The following VWA3A variants were observed in gnomAD, a reference collection of about 807,000 sequenced individuals.
The protein encoded by VWA3A is von Willebrand factor A domain-containing protein 3A.
In VWA3A, 134 loss-of-function variants were observed where a neutral mutation model predicts 160.4. The ratio of observed to expected loss-of-function variants is 0.84; its 90% CI spans 0.73 to 0.96. VWA3A has a LOEUF of 0.96. Ranked by LOEUF, VWA3A falls within the 40% of genes least tolerant of loss-of-function variation. VWA3A has a pLI of 0.00. For synonymous variants in VWA3A, 476 were observed against 543.4 expected, an observed-to-expected ratio of 0.88 and a Z score of 1.72; for missense variants, 1,310 against 1,447.9, an observed-to-expected ratio of 0.90 and a Z score of 1.55.
At chr16:22,106,062 G>C (rs1375902811) in intron 6 of VWA3A, among the ~76,000 whole-genome samples, 6 of 152,172 alleles carry the variant, frequency 3.9e-5, no homozygotes, top group Admixed American at 3.9e-4. Flanking sequence ...CTGAGTAAGG[G>C]AACAGAGGGT....
chr16:22,097,338 T>A (rs1474499501), intron 2 of VWA3A, among the ~76,000 whole-genome samples: 2 of 151,344 alleles, frequency 1.3e-5, no homozygotes, highest in Non-Finnish European at 2.9e-5. Flanking sequence ...ACTGGGTAAA[T>A]GGTCATTGAA....
At chr16:22,132,043 C>A (rs1450533956) in intron 19 of VWA3A, among the ~76,000 whole-genome samples, 1 of 151,876 alleles carries the variant, frequency 6.6e-6, no homozygotes, top group East Asian at 1.9e-4. Flanking sequence ...CCAGCCTGGA[C>A]AACATAGCAA....
At chr16:22,138,291 C>CTGTG (rs35642540) in intron 21 of VWA3A, 69 bp from the exon 22 acceptor site, 45,523 of 1,354,002 alleles carry the variant, frequency 0.034, 296 homozygotes, top group South Asian at 0.12. Context: ...GTCCCTCCTG[C>CTGTG]TGTGTGTGTG....
In VWA3A at chr16:22,100,443, AAT is replaced by A. The variant is rs534641937; in HGVS notation, c.381_382del (p.Ile127MetfsTer11). 10 of 1,551,442 alleles carry A rather than the reference AAT, an allele frequency of 6.4e-6. No individual in the cohort carries two copies. Among genetic ancestry groups the A allele is most frequent in the Non-Finnish European group, 8.7e-6 (10 of 1,146,998 alleles). On this transcript the variant is annotated frameshift_variant, in exon 5 of 34. Coordinates refer to ENST00000389398, the MANE Select transcript of VWA3A (RefSeq NM_173615.5). LOFTEE classifies it high-confidence loss of function. ...AGGAGGGCACCAATGTCGTGCAGAA[AAT>A]ATGTTTCTCCACCCAGATCATCCGC... ...LEEGTNVVQK[I>X]CFSTQIIRHF...
intron 22 of VWA3A, among the ~76,000 whole-genome samples, chr16:22,139,053 T>G (rs2046096623): frequency 6.6e-6 from 1 of 152,090 alleles, no homozygotes; most frequent in Non-Finnish European, 1.5e-5. Flanking sequence ...GTGAGCAGAC[T>G]GGGAGGGACA....
At chr16:22,103,131 T>C (rs2045431327) in intron 5 of VWA3A, among the ~76,000 whole-genome samples, 1 of 152,218 alleles carries the variant, frequency 6.6e-6, no homozygotes, top group African/African-American at 2.4e-5. Context: ...ACTCCTGGGC[T>C]CAAGTGATCC....
intron 6 of VWA3A, 70 bp from the exon 7 acceptor site, chr16:22,109,412 A>G: frequency 7.7e-7 from 1 of 1,294,680 alleles, no homozygotes; most frequent in Non-Finnish European, 1.1e-6. Context: ...ACTGCGTGGC[A>G]CAGAGCAGCT....
intron 7 of VWA3A, among the ~76,000 whole-genome samples, chr16:22,110,664 T>G (rs2045540008): frequency 6.6e-6 from 1 of 152,144 alleles, no homozygotes; most frequent in Non-Finnish European, 1.5e-5. Flanking sequence ...GGTCCAGCAA[T>G]AGCACATTCT....
intron 31 of VWA3A, among the ~76,000 whole-genome samples, chr16:22,153,026 T>C (rs1458281727): frequency 6.6e-6 from 1 of 152,048 alleles, no homozygotes; most frequent in Non-Finnish European, 1.5e-5. Context: ...ATTTAACAGG[T>C]GAACGAGAGG....
At chr16:22,097,477 T>C in intron 2 of VWA3A, 95 bp from the exon 3 acceptor site, 1 of 1,465,094 alleles carries the variant, frequency 6.8e-7, no homozygotes. Flanking sequence ...GTTTCTAGAA[T>C]CCTTGTAGGG....
At chr16:22,138,590 G>T in intron 22 of VWA3A, 78 bp downstream of exon 22, 1 of 1,567,722 alleles carries the variant, frequency 6.4e-7, no homozygotes, top group Non-Finnish European at 8.6e-7. Flanking sequence ...TCTTAAAATG[G>T]CTGGGGCCAG....
At chr16:22,152,935 A>G (rs2046375732) in intron 31 of VWA3A, among the ~76,000 whole-genome samples, 1 of 152,198 alleles carries the variant, frequency 6.6e-6, no homozygotes, top group African/African-American at 2.4e-5. Flanking sequence ...AGGGTGTTAT[A>G]TTTCCTGATG....
At chr16:22,121,644 G>C (rs750687311) in intron 14 of VWA3A, 27 bp downstream of exon 14, 1 of 1,557,268 alleles carries the variant, frequency 6.4e-7, no homozygotes, top group African/African-American at 1.4e-5. Context: ...ATTCTCTCCA[G>C]TCCTCCACAG....
At chr16:22,095,281 A>G (rs766759634) in intron 1 of VWA3A, among the ~76,000 whole-genome samples, 8 of 152,168 alleles carry the variant, frequency 5.3e-5, no homozygotes, top group Admixed American at 3.3e-4. Context: ...AGGGGAGAAG[A>G]AGAACGTTCC....
chr16:22,151,240 A>G (rs1055887959), intron 30 of VWA3A, among the ~76,000 whole-genome samples: 1 of 151,772 alleles, frequency 6.6e-6, no homozygotes, highest in African/African-American at 2.4e-5. Context: ...AGGTTGCACC[A>G]TGGCACTCTA....
chr16:22,109,355 G>T lies in VWA3A; in HGVS notation c.484-127G>T, dbSNP rs539909858. On this transcript the variant is annotated intron_variant, in intron 6 of 33. Transcript: ENST00000389398. ...TTTTGCTTTTCCCTTATAAAATGAG[G>T]TTTCCATCTGCTGCTGCTTGTTAGG... 81 of 745,728 alleles carry T rather than the reference G, an allele frequency of 1.1e-4. No individual in the cohort carries two copies. The Middle Eastern group carries it at 1.1e-3, about 10-fold the overall frequency. The allele number at this position is 745,728 out of a possible 1,614,324, so 46.2% of individuals were successfully genotyped here.
At chr16:22,118,811 G>A in intron 11 of VWA3A, 91 bp from the exon 12 acceptor site, 8 of 1,544,494 alleles carry the variant, frequency 5.2e-6, no homozygotes, top group Non-Finnish European at 7.1e-6. Flanking sequence ...CCCTCTGCCT[G>A]GGCATTGGCC....
chr16:22,118,513 G>A (rs961272470), intron 11 of VWA3A, among the ~76,000 whole-genome samples: 10 of 151,926 alleles, frequency 6.6e-5, no homozygotes, highest in East Asian at 1.9e-4. Flanking sequence ...GTGAAACCCC[G>A]TCTCTACTAA....
At chr16:22,128,900 A>G (rs1012627767) in intron 17 of VWA3A, among the ~76,000 whole-genome samples, 8 of 152,142 alleles carry the variant, frequency 5.3e-5, no homozygotes, top group Non-Finnish European at 1.2e-4. Flanking sequence ...GGACACATAA[A>G]GGGGAACAAC....
Sources: gnomAD v4.1 joint callset for allele counts (sites outside exome capture counted in the v4.1 genomes callset) on GRCh38, gnomAD v4.1.1 for gene constraint, MANE v1.5 for transcripts, NCBI Gene and HGNC (gene_info 2026-07-23, HGNC 2026-07-21) for gene names.